Variants in CMIP observed in about 807,000 individuals in gnomAD.
CMIP encodes the protein C-Maf-inducing protein.
CMIP carries 13 observed loss-of-function variants against 97.3 expected under a neutral mutation model. The observed-to-expected ratio is 0.13, with a 90% CI of 0.09 to 0.21. The LOEUF (loss-of-function observed/expected upper bound fraction) is 0.21, where lower values mean the gene tolerates loss of function less well. Among genes scored for constraint, CMIP ranks in the 10% least tolerant of loss-of-function variants. The probability of loss-of-function intolerance (pLI) is 1.00; values close to 1 mark genes in which losing one functional copy is unlikely to be tolerated. For missense variants in CMIP, 847 were observed against 1,024.9 expected, an observed-to-expected ratio of 0.83 and a Z score of 2.37; for synonymous variants, 538 against 436.3, an observed-to-expected ratio of 1.23 and a Z score of -2.91.
intron 1 of CMIP, among the ~76,000 whole-genome samples, chr16:81,474,503 C>G (rs906309509): frequency 3.3e-5 from 5 of 152,158 alleles, no homozygotes; most frequent in Non-Finnish European, 2.9e-5. Flanking sequence ...TGGCTTCTCC[C>G]TACCTTCAGA....
At chr16:81,571,615 A>C (rs1369262785) in intron 1 of CMIP, among the ~76,000 whole-genome samples, 1 of 149,976 alleles carries the variant, frequency 6.7e-6, no homozygotes, top group Non-Finnish European at 1.5e-5. Context: ...AAAAAAATTA[A>C]GAAAAGAAAA....
At chr16:81,693,637 T>A in intron 13 of CMIP, 150 bp downstream of exon 13, 1 of 837,036 alleles carries the variant, frequency 1.2e-6, no homozygotes, top group Non-Finnish European at 1.8e-6. Flanking sequence ...CATCCCCGCC[T>A]GGTGCAGAGC....
At chr16:81,694,925 C>G (rs748042369) in intron 13 of CMIP, among the ~76,000 whole-genome samples, 7 of 152,238 alleles carry the variant, frequency 4.6e-5, no homozygotes, top group Non-Finnish European at 7.3e-5. Context: ...CAGTGAGTGT[C>G]TCCATTTTTC....
Position 81,616,109 on chromosome 16 carries a change from C to T in CMIP, c.427-4767C>T, listed in dbSNP as rs964386366. On this transcript the variant is annotated intron_variant, in intron 2 of 20. Transcript: ENST00000537098. This position sits in a 1 kb window ranked among gnomAD's most constrained non-coding sequence, Gnocchi z 4.7. ...CGCATCGAGACTGTCCTCAGCCCGG[C>T]ATCTCTGTGCCTTGCCTTACATGTC... Among the ~76,000 whole-genome samples, 1 of 151,516 alleles carries T rather than the reference C, an allele frequency of 6.6e-6. No individual in the cohort carries two copies.
rs975358740 is a variant in CMIP at position 81,601,981 on chromosome 16, C to T, written c.301-5586C>T. Among the ~76,000 whole-genome samples, 9 of 152,216 alleles carry T rather than the reference C, an allele frequency of 5.9e-5. No homozygotes were observed. The South Asian group carries it at 1.4e-3, about 24-fold the overall frequency. On this transcript the variant is annotated intron_variant, in intron 1 of 20. Transcript: ENST00000537098. ...AGAGCAATTTGGCAACAACGTAAAA[C>T]GTGCTCTTGCCCTTTGTCCCAGTAA...
chr16:81,688,773 A>T (rs1376351706), intron 10 of CMIP, among the ~76,000 whole-genome samples: 1 of 152,116 alleles, frequency 6.6e-6, no homozygotes, highest in Non-Finnish European at 1.5e-5. Context: ...CTCATCATTT[A>T]CATTAGATAT....
chr16:81,610,999 G>A (rs1421345631), intron 2 of CMIP, among the ~76,000 whole-genome samples: 5 of 152,168 alleles, frequency 3.3e-5, no homozygotes, highest in Admixed American at 2.6e-4. Context: ...CCATCTGAAC[G>A]GCATTACCTT....
chr16:81,664,668 C>T (rs1219637129), intron 7 of CMIP: 27 of 558,980 alleles, frequency 4.8e-5, no homozygotes, highest in East Asian at 8.7e-5. Context: ...ACCCAGAGCG[C>T]GACTTTGCAC....
At position 81,614,398 on chromosome 16, in the gene CMIP, G is replaced by A. The variant is rs2091879708; in HGVS notation, c.427-6478G>A. Among the ~76,000 whole-genome samples the A allele has an allele frequency of 6.6e-6, 1 of 152,164 alleles. No individual in the cohort carries two copies. The highest frequency in any genetic ancestry group is 2.4e-5 in the African/African-American group (1 of 41,426). ...CGGGTTCTCAGGGGCTCCCACGCGC[G>A]GGCCACGGGTCACTTCAGCATGACA... is the stretch of plus-strand genomic sequence containing the variant. On this transcript the variant is annotated intron_variant, in intron 2 of 20. Transcript: ENST00000537098. This position sits in a 1 kb window ranked among gnomAD's most constrained non-coding sequence, Gnocchi z 5.3.
At position 81,657,841 on chromosome 16, in the gene CMIP, C is replaced by G. The variant is rs1180271462; in HGVS notation, c.681+25C>G. The G allele has an allele frequency of 2.5e-6, 4 of 1,581,572 alleles. No individual in the cohort carries two copies. In the African/African-American group the frequency reaches 4.1e-5, roughly 16 times the overall value. On this transcript the variant is annotated intron_variant, in intron 5 of 20. Coordinates refer to ENST00000537098, the MANE Select transcript of CMIP (RefSeq NM_198390.3). Reference sequence around the variant, plus strand: ...GGTAAGTTCCTCTCGAACACGCTCCCTCCACCCACCTCCGCCTCCTGGAGC... The same window carrying G: ...GGTAAGTTCCTCTCGAACACGCTCCGTCCACCCACCTCCGCCTCCTGGAGC...
intron 17 of CMIP, among the ~76,000 whole-genome samples, chr16:81,703,452 C>T (rs1907642445): frequency 6.6e-6 from 1 of 152,004 alleles, no homozygotes; most frequent in African/African-American, 2.4e-5. Context: ...GGCAGCCAGT[C>T]ACACACCCTG....
chr16:81,536,688 C>G (rs576837529), intron 1 of CMIP, among the ~76,000 whole-genome samples: 1 of 152,112 alleles, frequency 6.6e-6, no homozygotes, highest in Non-Finnish European at 1.5e-5. Flanking sequence ...GACAACAGCA[C>G]CAGCCTTTGT....
At chr16:81,701,383 C>T (rs1359810761) in intron 15 of CMIP, among the ~76,000 whole-genome samples, 4 of 152,196 alleles carry the variant, frequency 2.6e-5, no homozygotes. Flanking sequence ...CCCCGGGGGC[C>T]TGCCCCATGT....
At chr16:81,684,184 C>T (rs1160710726) in intron 10 of CMIP, among the ~76,000 whole-genome samples, 2 of 151,970 alleles carry the variant, frequency 1.3e-5, no homozygotes, top group African/African-American at 2.4e-5. Flanking sequence ...GATGGGATGA[C>T]CGCACAGGTG....
At chr16:81,599,431 G>C (rs535069243) in intron 1 of CMIP, among the ~76,000 whole-genome samples, 1 of 152,316 alleles carries the variant, frequency 6.6e-6, no homozygotes, top group Admixed American at 6.5e-5. Flanking sequence ...TTCCCCAAAT[G>C]AGCATCCATG....
chr16:81,451,730 C>G (rs888586496), intron 1 of CMIP, among the ~76,000 whole-genome samples: 8 of 152,196 alleles, frequency 5.3e-5, no homozygotes, highest in Admixed American at 5.2e-4. Context: ...GGGGCTCTGA[C>G]AAGGATGCGC....
At position 81,706,494 on chromosome 16, in the gene CMIP, G is replaced by A. The variant is rs58323048; in HGVS notation, c.2198-520G>A. On this transcript the variant is annotated intron_variant, in intron 19 of 20. Coordinates refer to ENST00000537098, the MANE Select transcript of CMIP (RefSeq NM_198390.3). ...CGCTGCTTCCACTGGAGTCCCCCGGGGGGGCGCGGTCCTCATCAACAGCAC... is the reference window on the plus strand; with the variant it reads ...CGCTGCTTCCACTGGAGTCCCCCGGAGGGGCGCGGTCCTCATCAACAGCAC... 2.4e-3 allele frequency among the ~76,000 whole-genome samples: 368 copies of A among 152,358 alleles called. 1 individual carries two copies. Among genetic ancestry groups the A allele is most frequent in the African/African-American group, 8.3e-3 (347 of 41,584 alleles).
At position 81,703,431 on chromosome 16, in the gene CMIP, C is replaced by A. The variant is rs369021477; in HGVS notation, c.1945-508C>A. Among the ~76,000 whole-genome samples the A allele has an allele frequency of 2.2e-4, 33 of 152,100 alleles. 1 individual carries two copies. The East Asian group carries it at 3.5e-3, about 16-fold the overall frequency. On this transcript the variant is annotated intron_variant, in intron 17 of 20. Transcript: ENST00000537098. ...GCCTCAGTGTTGGCATGAGCTGCTG[C>A]CCAGGAGTGAGGCAGCCAGTCACAC...
intron 1 of CMIP, among the ~76,000 whole-genome samples, chr16:81,584,340 G>A (rs796470196): frequency 3.2e-4 from 49 of 152,348 alleles, no homozygotes; most frequent in African/African-American, 1.2e-3. Context: ...CCTCCAGCAA[G>A]CACTCCGTAA....
Sources: gnomAD v4.1 joint callset for allele counts (sites outside exome capture counted in the v4.1 genomes callset) on GRCh38, gnomAD v4.1.1 for gene constraint, Gnocchi (gnomAD v3.1) non-coding constraint, MANE v1.5 for transcripts, NCBI Gene and HGNC (gene_info 2026-07-23, HGNC 2026-07-21) for gene names.